Variants in SRGAP2 observed in about 807,000 individuals in gnomAD.
The protein encoded by SRGAP2 is SLIT-ROBO Rho GTPase activating protein 2.
Under a neutral mutation model 57.2 loss-of-function variants are expected in SRGAP2, and 15 were observed. The ratio of observed to expected loss-of-function variants is 0.26; its 90% CI spans 0.18 to 0.40. The LOEUF (loss-of-function observed/expected upper bound fraction) is 0.40, where lower values mean the gene tolerates loss of function less well. SRGAP2 is among the 10% of genes least tolerant of loss of function. The probability of loss-of-function intolerance (pLI) is 1.00; values close to 1 mark genes in which losing one functional copy is unlikely to be tolerated. For synonymous variants in SRGAP2, 249 were observed against 248.0 expected, an observed-to-expected ratio of 1.00 and a Z score of -0.04; for missense variants, 520 against 669.6, an observed-to-expected ratio of 0.78 and a Z score of 2.47.
chr1:206,334,286 G>T (rs1553332989), intron 3 of SRGAP2, among the ~76,000 whole-genome samples: 1 of 149,160 alleles, frequency 6.7e-6, no homozygotes, highest in African/African-American at 2.5e-5. Flanking sequence ...CTGGGCCTGG[G>T]GGTTGTTCCT....
At position 206,349,510 on chromosome 1, in the gene SRGAP2, C is replaced by G. The variant is rs1203968772; in HGVS notation, c.423+6502C>G. ...GTGATAGGCTGAGTAATGCCTCCCT[C>G]AAAAAAAAAAAAAAAAGAGGTCCAT... On this transcript the variant is annotated intron_variant, in intron 4 of 22. Transcript: ENST00000573034. 1.6e-5 allele frequency among the ~76,000 whole-genome samples: 2 copies of G among 127,124 alleles called. 1 individual carries two copies. The highest frequency in any genetic ancestry group is 3.5e-5 in the Non-Finnish European group (2 of 57,772). The allele number at this position is 127,124 out of a possible 152,430, so 83.4% of individuals were successfully genotyped here.
At chr1:206,307,443 T>C (rs1479852989) in intron 3 of SRGAP2, among the ~76,000 whole-genome samples, 4 of 152,166 alleles carry the variant, frequency 2.6e-5, no homozygotes, top group Non-Finnish European at 5.9e-5. Context: ...AGTCCTGCGC[T>C]GTGCGCTCGC....
In SRGAP2 at chr1:206,452,864, C is replaced by T. The variant is rs531376284; in HGVS notation, c.2180-336C>T. 7.5e-4 allele frequency among the ~76,000 whole-genome samples: 91 copies of T among 121,488 alleles called. 3 individuals carry two copies. In the South Asian group the frequency reaches 0.022, roughly 29 times the overall value. 79.7% of individuals were successfully genotyped at this position (121,488 alleles called of 152,430 possible). On this transcript the variant is annotated intron_variant, in intron 19 of 22. Transcript: ENST00000573034. ...TCGAGCCACTGCACTCCAGCCTGAG[C>T]GACAGAGTAAGACTCCATCCCAAAA...
chr1:206,377,483 T>G (rs1365222184), intron 4 of SRGAP2, among the ~76,000 whole-genome samples: 1 of 115,446 alleles, frequency 8.7e-6, no homozygotes, highest in East Asian at 2.3e-4. Context: ...GAAATCAGAT[T>G]TTTTTTTTTT....
intron 17 of SRGAP2, among the ~76,000 whole-genome samples, chr1:206,444,601 G>C (rs1662591858): frequency 6.6e-6 from 1 of 152,194 alleles, no homozygotes; most frequent in African/African-American, 2.4e-5. Context: ...TACAGCTTAA[G>C]CCTGCAGCAC....
chr1:206,443,339 A>T lies in SRGAP2; in HGVS notation c.1875-2736A>T, dbSNP rs199736757. On this transcript the variant is annotated intron_variant, in intron 17 of 22. Coordinates refer to ENST00000573034, the MANE Select transcript of SRGAP2 (RefSeq NM_015326.5). ...GTTACTAATGTTATCCATTTTAGGT[A>T]TTTCTTTGTTTTTATTTTGTTGTTG... is the stretch of plus-strand genomic sequence containing the variant. 5.3e-5 allele frequency among the ~76,000 whole-genome samples: 8 copies of T among 152,098 alleles called. No individual in the cohort carries two copies. The East Asian group carries it at 1.5e-3, about 29-fold the overall frequency.
At chr1:206,237,268 C>T (rs544828091) in intron 2 of SRGAP2, among the ~76,000 whole-genome samples, 7 of 151,912 alleles carry the variant, frequency 4.6e-5, no homozygotes, top group African/African-American at 1.7e-4. Flanking sequence ...CCAGTCTGGG[C>T]GACAGAGTGA....
chr1:206,244,737 T>C (rs1250163883), intron 2 of SRGAP2, among the ~76,000 whole-genome samples: 3 of 152,182 alleles, frequency 2.0e-5, no homozygotes, highest in Non-Finnish European at 2.9e-5. Context: ...GTTTCTTTTT[T>C]ACTCAGAACA....
chr1:206,205,015 C>G (rs1665777528), intron 1 of SRGAP2: 1 of 151,692 alleles, frequency 6.6e-6, no homozygotes, highest in Non-Finnish European at 1.5e-5. Flanking sequence ...GGTGGCTTAT[C>G]CCTCCCCGGC....
chr1:206,292,276 CTTG>C (rs1671372680), intron 2 of SRGAP2, among the ~76,000 whole-genome samples: 2 of 152,134 alleles, frequency 1.3e-5, no homozygotes, highest in African/African-American at 4.8e-5. Flanking sequence ...CTTCTCTGTA[CTTG>C]TTGTTGACAT....
chr1:206,206,884 G>GA (rs1214435563), intron 2 of SRGAP2: 1 of 146,460 alleles, frequency 6.8e-6, no homozygotes, highest in African/African-American at 2.7e-5. Context: ...CGACTGACTT[G>GA]ACTCATGAAT....
At chr1:206,311,135 T>C (rs1672610178) in intron 3 of SRGAP2, among the ~76,000 whole-genome samples, 1 of 150,910 alleles carries the variant, frequency 6.6e-6, no homozygotes, top group Non-Finnish European at 1.5e-5. Flanking sequence ...CATATCTGAC[T>C]GGCCAGAACT....
At chr1:206,258,022 A>C in intron 2 of SRGAP2, among the ~76,000 whole-genome samples, 1 of 152,146 alleles carries the variant, frequency 6.6e-6, no homozygotes, top group Non-Finnish European at 1.5e-5. Flanking sequence ...AAGCACCGTA[A>C]AGGTGGTCAG....
intron 4 of SRGAP2, among the ~76,000 whole-genome samples, chr1:206,370,721 C>A (rs531151295): frequency 7.9e-5 from 12 of 152,274 alleles, no homozygotes; most frequent in African/African-American, 2.6e-4. Flanking sequence ...ATTGTGTACC[C>A]TGTAGTGGTG....
At chr1:206,229,900 G>A in intron 2 of SRGAP2, among the ~76,000 whole-genome samples, 1 of 145,114 alleles carries the variant, frequency 6.9e-6, no homozygotes, top group South Asian at 2.2e-4. Context: ...CTGGTTATAC[G>A]TTGAGAGAGA....
At chr1:206,410,324 C>T (rs1275343644) in intron 10 of SRGAP2, among the ~76,000 whole-genome samples, 2 of 152,200 alleles carry the variant, frequency 1.3e-5, no homozygotes, top group East Asian at 1.9e-4. Context: ...TTGTGTTTAT[C>T]GCTTATCTTT....
chr1:206,348,038 C>T (rs1340906638), intron 4 of SRGAP2, among the ~76,000 whole-genome samples: 3 of 148,838 alleles, frequency 2.0e-5, no homozygotes, highest in Non-Finnish European at 3.0e-5. Context: ...GCACAATTGG[C>T]CCCTCTATGC....
At chr1:206,456,696 G>A (rs782350501) in intron 21 of SRGAP2, among the ~76,000 whole-genome samples, 41 of 152,180 alleles carry the variant, frequency 2.7e-4, no homozygotes, top group Non-Finnish European at 5.1e-4. Context: ...CTTGGGATGG[G>A]GTTCTTGGAG....
chr1:206,367,184 C>T (rs1553341785), intron 4 of SRGAP2, among the ~76,000 whole-genome samples: 1 of 152,236 alleles, frequency 6.6e-6, no homozygotes, highest in Admixed American at 6.5e-5. Flanking sequence ...CAGATGGAAT[C>T]ACAACCTTTT....
Sources: gnomAD v4.1 joint callset for allele counts (sites outside exome capture counted in the v4.1 genomes callset) on GRCh38, gnomAD v4.1.1 for gene constraint, MANE v1.5 for transcripts, NCBI Gene and HGNC (gene_info 2026-07-23, HGNC 2026-07-21) for gene names.